OGDHL: variants seen among roughly 807,000 people sequenced by gnomAD.
The protein encoded by OGDHL is 2-oxoglutarate dehydrogenase-like, mitochondrial.
OGDHL carries 79 observed loss-of-function variants against 109.6 expected under a neutral mutation model. That is an observed-to-expected ratio of 0.72 (90% CI 0.60 to 0.87). The LOEUF (loss-of-function observed/expected upper bound fraction) is 0.87. Among genes scored for constraint, OGDHL ranks in the 40% least tolerant of loss-of-function variants. The pLI, the probability that OGDHL is intolerant of heterozygous loss-of-function variation, is 0.00. For synonymous variants in OGDHL, 528 were observed against 537.2 expected, an observed-to-expected ratio of 0.98 and a Z score of 0.24; for missense variants, 1,275 against 1,362.2, an observed-to-expected ratio of 0.94 and a Z score of 1.01.
At chr10:49,753,160 ATTG>A (rs941495403) in intron 3 of OGDHL, among the ~76,000 whole-genome samples, 7 of 152,236 alleles carry the variant, frequency 4.6e-5, no homozygotes, top group Non-Finnish European at 8.8e-5. Context: ...TCTAAAAAAT[ATTG>A]TTAAGCAAAA....
rs757717713 is a variant in OGDHL, at chr10:49,751,892, A to T, written c.684T>A (p.Pro228=). ...CQWIRQKFET[P]GVMQFSSEEK... Reference sequence around the variant, plus strand: ...CCTCGCTGGAGAACTGCATCACACCAGGGGTCTCAAACTTCTGCCGGATCC... The same window carrying T: ...CCTCGCTGGAGAACTGCATCACACCTGGGGTCTCAAACTTCTGCCGGATCC... Residue 228 remains proline (P), a synonymous_variant, in exon 6 of 23, where the codon CCT becomes CCA. Coordinates refer to ENST00000374103, the MANE Select transcript of OGDHL (RefSeq NM_018245.3). 6.2e-7 allele frequency: 1 copy of T among 1,614,034 alleles called. No homozygotes were observed. The highest frequency in any genetic ancestry group is 8.5e-7 in the Non-Finnish European group (1 of 1,180,036).
At chr10:49,751,175 G>T (rs1250927363) in intron 6 of OGDHL, among the ~76,000 whole-genome samples, 190 bp from the exon 7 acceptor site, 2 of 152,042 alleles carry the variant, frequency 1.3e-5, no homozygotes, top group East Asian at 3.9e-4. Context: ...AGGAACACAG[G>T]GTTAGGGGAG....
intron 14 of OGDHL, among the ~76,000 whole-genome samples, chr10:49,743,346 A>G (rs1007907646): frequency 4.6e-5 from 7 of 151,946 alleles, no homozygotes; most frequent in Non-Finnish European, 1.0e-4. Flanking sequence ...ACACAAACAG[A>G]GCGGGCACAT....
intron 16 of OGDHL, 24 bp from the exon 17 acceptor site, chr10:49,739,863 T>C (rs1411098827): frequency 6.2e-7 from 1 of 1,603,442 alleles, no homozygotes; most frequent in Non-Finnish European, 8.5e-7. Context: ...AAGATAGAGC[T>C]TGCTGCACAC....
In OGDHL at chr10:49,745,879, A is replaced by G. The variant is rs1248800981; in HGVS notation, c.1395T>C (p.Asp465=). The change falls in exon 11 of 23, where the codon GAT becomes GAC. Residue 465 remains aspartate (D), a synonymous_variant. Transcript: ENST00000374103. ...ACACATATATCACAGCCTCTGGGTC[A>G]TCGGCATTCACATGGAAGATAGGCG... ...VNAPIFHVNA[D]DPEAVIYVCS... is the part of the protein sequence containing the mutation. The G allele has an allele frequency of 6.2e-7, 1 of 1,614,208 alleles. No homozygotes were observed. Among genetic ancestry groups the G allele is most frequent in the Admixed American group, 1.7e-5 (1 of 60,024 alleles).
At chr10:49,747,249 A>G in intron 8 of OGDHL, 41 bp from the exon 9 acceptor site, 1 of 1,598,276 alleles carries the variant, frequency 6.3e-7, no homozygotes, top group Non-Finnish European at 8.5e-7. Context: ...CTCCCCTCCC[A>G]CATCAGACAG....
At position 49,749,108 on chromosome 10, in the gene OGDHL, T is replaced by C. The variant is rs557928724; in HGVS notation, c.987+618A>G. On this transcript the variant is annotated intron_variant, in intron 8 of 22. Transcript: ENST00000374103. ...CCTGTAATCCCAGCTGCTTGGAAGG[T>C]TGAGGCAGGAGAATCGCTTGAACCC... 4.1e-4 allele frequency among the ~76,000 whole-genome samples: 62 copies of C among 151,850 alleles called. 1 individual carries two copies. The highest frequency in any genetic ancestry group is 1.0e-3 in the African/African-American group (42 of 41,392).
At chr10:49,746,976 C>G in intron 9 of OGDHL, 53 bp downstream of exon 9, 1 of 1,608,414 alleles carries the variant, frequency 6.2e-7, no homozygotes, top group Non-Finnish European at 8.5e-7. Flanking sequence ...GCCCAGCCCT[C>G]TGGGCCCACC....
chr10:49,750,348 C>T (rs919650217), intron 7 of OGDHL, among the ~76,000 whole-genome samples: 1 of 152,198 alleles, frequency 6.6e-6, no homozygotes, highest in Admixed American at 6.5e-5. Flanking sequence ...AGGTAACGCC[C>T]CACTGCTGAG....
intron 7 of OGDHL, 97 bp downstream of exon 7, chr10:49,750,742 C>G: frequency 7.0e-7 from 1 of 1,434,920 alleles, no homozygotes; most frequent in Non-Finnish European, 9.3e-7. Flanking sequence ...CCCCAGGTCC[C>G]ACCAACACCT....
chr10:49,739,798 C>G lies in OGDHL; in HGVS notation c.2182G>C (p.Val728Leu), dbSNP rs147493776. The part of the protein sequence containing the change: ...GYAMASPNAL[V>L]LWEAQFGDFH... ...TCCCCAAACTGGGCCTCCCAGAGGA[C>G]CAGGGCATTGGGGCTGGCCATGGCA... The change falls in exon 17 of 23, where the codon GTC becomes CTC. Residue 728 changes from valine (V) to leucine (L), a missense_variant. Transcript: ENST00000374103. 5 of 1,613,992 alleles carry G rather than the reference C, an allele frequency of 3.1e-6. No individual in the cohort carries two copies. The highest frequency in any genetic ancestry group is 4.2e-6 in the Non-Finnish European group (5 of 1,179,974).
At chr10:49,746,109 AG>A in intron 10 of OGDHL, 132 bp from the exon 11 acceptor site, 1 of 999,500 alleles carries the variant, frequency 1.0e-6, no homozygotes, top group Non-Finnish European at 1.4e-6. Context: ...GGGACACAAC[AG>A]GGTGATGGTG....
chr10:49,740,895 C>A, intron 15 of OGDHL, 58 bp from the exon 16 acceptor site: 1 of 1,605,502 alleles, frequency 6.2e-7, no homozygotes. Context: ...ACCTGTTCAC[C>A]TGGAGCAGGG....
intron 17 of OGDHL, chr10:49,739,293 T>C (rs1371168329): frequency 5.0e-6 from 1 of 201,684 alleles, no homozygotes; most frequent in African/African-American, 2.3e-5. Flanking sequence ...AAACCCCAGC[T>C]ACTAGCTGTG....
intron 3 of OGDHL, among the ~76,000 whole-genome samples, chr10:49,755,168 C>T (rs1842844756): frequency 6.6e-6 from 1 of 152,150 alleles, no homozygotes; most frequent in African/African-American, 2.4e-5. Context: ...CACTTGACCA[C>T]GTGGGGCAGA....
At chr10:49,746,647 A>G in intron 10 of OGDHL, 103 bp downstream of exon 10, 1 of 1,447,880 alleles carries the variant, frequency 6.9e-7, no homozygotes, top group Non-Finnish European at 9.5e-7. Flanking sequence ...GCAGCACAGC[A>G]GTGGGCTCAG....
chr10:49,736,550 G>C (rs367688605), intron 20 of OGDHL, 30 bp from the exon 21 acceptor site: 1 of 1,606,336 alleles, frequency 6.2e-7, no homozygotes, highest in South Asian at 1.1e-5. Flanking sequence ...TGGCAGAGGC[G>C]TTGGTACCCA....
At position 49,745,849 on chromosome 10, in the gene OGDHL, A is replaced by G. The variant is rs1842141276; in HGVS notation, c.1425T>C (p.Ser475=). 1.2e-6 allele frequency: 2 copies of G among 1,614,040 alleles called. No homozygotes were observed. Among genetic ancestry groups the G allele is most frequent in the South Asian group, 1.1e-5 (1 of 91,080 alleles). ...DDPEAVIYVC[S]VAAEWRNTFN... Reference sequence around the variant, plus strand: ...AAGTGTTTCTCCATTCGGCTGCCACACTGCACACATATATCACAGCCTCTG... The same window carrying G: ...AAGTGTTTCTCCATTCGGCTGCCACGCTGCACACATATATCACAGCCTCTG... Residue 475 remains serine, a synonymous_variant, in exon 11 of 23, where the codon AGT becomes AGC. Coordinates refer to ENST00000374103, the MANE Select transcript of OGDHL (RefSeq NM_018245.3).
chr10:49,759,872 T>C (rs1469651739), intron 1 of OGDHL, among the ~76,000 whole-genome samples: 1 of 152,122 alleles, frequency 6.6e-6, no homozygotes, highest in African/African-American at 2.4e-5. Flanking sequence ...AAAATGTGCA[T>C]TCTGGGGTAT....
Sources: allele counts gnomAD v4.1 joint callset (sites outside exome capture counted in the v4.1 genomes callset), GRCh38; gene constraint gnomAD v4.1.1; transcripts MANE v1.5; gene names NCBI Gene and HGNC (gene_info 2026-07-23, HGNC 2026-07-21).